The following STX2 variants were observed in gnomAD, a reference collection of about 807,000 sequenced individuals.
The protein encoded by STX2 is syntaxin-2.
A neutral mutation model predicts 40.6 loss-of-function variants in STX2; 27 were observed. The observed-to-expected ratio is 0.66, with a 90% CI of 0.49 to 0.92. The LOEUF (loss-of-function observed/expected upper bound fraction) is 0.92. STX2 is among the 40% of genes least tolerant of loss of function. STX2 has a pLI of 0.00. For missense variants in STX2, 328 were observed against 366.1 expected (o/e 0.90, Z 0.85); for synonymous variants, 123 against 119.1 (o/e 1.03, Z -0.22).
At chr12:130,804,342 C>T (rs1951344681) in intron 6 of STX2, among the ~76,000 whole-genome samples, 2 of 152,180 alleles carry the variant, frequency 1.3e-5, no homozygotes, top group South Asian at 2.1e-4. Flanking sequence ...GCCAGAGTGA[C>T]GCCATCCTGA....
chr12:130,818,395 C>A (rs1951972257), intron 3 of STX2, among the ~76,000 whole-genome samples: 1 of 141,536 alleles, frequency 7.1e-6, no homozygotes, highest in Non-Finnish European at 1.5e-5. Flanking sequence ...GGGGAGAGGG[C>A]GGGGGAGGAA....
chr12:130,809,200 A>G (rs902515040), intron 4 of STX2, among the ~76,000 whole-genome samples: 28 of 152,350 alleles, frequency 1.8e-4, no homozygotes, highest in African/African-American at 6.3e-4. Flanking sequence ...GTAGATACAC[A>G]CAGATATATA....
chr12:130,803,070 TATC>T (rs1221913311), intron 6 of STX2, among the ~76,000 whole-genome samples: 1 of 152,248 alleles, frequency 6.6e-6, no homozygotes, highest in Non-Finnish European at 1.5e-5. Flanking sequence ...ATGCTCCAAA[TATC>T]ATTCACATAT....
chr12:130,797,351 G>T (rs891700986), intron 9 of STX2, among the ~76,000 whole-genome samples: 8 of 152,186 alleles, frequency 5.3e-5, no homozygotes. Context: ...CTTCACCTCA[G>T]TTTACATTAG....
In STX2 at chr12:130,817,869, G is replaced by A. The variant is rs561628894; in HGVS notation, c.205+3820C>T. Reference sequence around the variant, plus strand: ...ACTGAGGATAATTTCAGATAATAGCGAATCTTCACTGAAGGAGGTAAGAAG... The same window carrying A: ...ACTGAGGATAATTTCAGATAATAGCAAATCTTCACTGAAGGAGGTAAGAAG... On this transcript the variant is annotated intron_variant, in intron 3 of 10. Coordinates refer to ENST00000392373, the MANE Select transcript of STX2 (RefSeq NM_194356.4). Among the ~76,000 whole-genome samples the A allele has an allele frequency of 3.6e-5, 5 of 138,066 alleles. No individual in the cohort carries two copies. In the South Asian group the frequency reaches 8.2e-4, roughly 23 times the overall value. The allele number at this position is 138,066 out of a possible 152,430, so 90.6% of individuals were successfully genotyped here. A position where few individuals can be genotyped will look rare whatever the true frequency, so the allele number is the denominator to read the frequency against.
At chr12:130,824,910 C>T (rs536040893) in intron 2 of STX2, among the ~76,000 whole-genome samples, 1 of 152,176 alleles carries the variant, frequency 6.6e-6, no homozygotes, top group Non-Finnish European at 1.5e-5. Context: ...CCGGGCAAGC[C>T]TTCCTAAAGT....
intron 4 of STX2, chr12:130,811,010 C>T (rs1329288714): frequency 6.6e-6 from 1 of 152,156 alleles, no homozygotes; most frequent in Non-Finnish European, 1.5e-5. Context: ...TCCAAACTAC[C>T]CAATTCAAGA....
At chr12:130,829,032 C>A (rs1372447216) in intron 1 of STX2, among the ~76,000 whole-genome samples, 1 of 152,004 alleles carries the variant, frequency 6.6e-6, no homozygotes, top group Non-Finnish European at 1.5e-5. Context: ...AGTGTCGGTT[C>A]CCAGGGTCTG....
intron 8 of STX2, among the ~76,000 whole-genome samples, chr12:130,799,813 CA>C (rs57853266): frequency 0.91 from 124,364 of 137,276 alleles, 56,994 homozygotes; most frequent in Non-Finnish European, 0.98. Context: ...GACCCTGTCT[CA>C]AAAAAAAAAA....
chr12:130,804,671 T>C (rs1157514933), intron 6 of STX2, among the ~76,000 whole-genome samples: 1 of 152,120 alleles, frequency 6.6e-6, no homozygotes, highest in African/African-American at 2.4e-5. Flanking sequence ...GCCTCTTTCT[T>C]TGGCGTCTCA....
intron 6 of STX2, among the ~76,000 whole-genome samples, chr12:130,804,321 C>G (rs1388491108): frequency 6.6e-6 from 1 of 152,192 alleles, no homozygotes; most frequent in Non-Finnish European, 1.5e-5. Flanking sequence ...ATGAAGACAG[C>G]CCGCTGTGTG....
At chr12:130,810,600 T>A (rs1234346425) in intron 4 of STX2, 1 of 152,146 alleles carries the variant, frequency 6.6e-6, no homozygotes, top group Non-Finnish European at 1.5e-5. Context: ...TCACAGACAA[T>A]GAGGGGCCTA....
chr12:130,818,636 C>A (rs1021257625), intron 3 of STX2, among the ~76,000 whole-genome samples: 7 of 141,364 alleles, frequency 5.0e-5, no homozygotes, highest in African/African-American at 1.8e-4. Flanking sequence ...ACAGAATGCA[C>A]GGGAGCAGGC....
chr12:130,821,190 A>ATGTGAGG (rs1952099104), intron 3 of STX2, among the ~76,000 whole-genome samples: 1 of 152,198 alleles, frequency 6.6e-6, no homozygotes, highest in Non-Finnish European at 1.5e-5. Flanking sequence ...ATTTGGATAA[A>ATGTGAGG]CAGGTAAAGA....
intron 4 of STX2, chr12:130,810,517 G>A (rs1481700486): frequency 1.3e-5 from 2 of 152,190 alleles, no homozygotes; most frequent in Non-Finnish European, 2.9e-5. Context: ...GGAAATGGCT[G>A]ATGCCAGGCC....
In STX2 at chr12:130,818,170, CAAA is replaced by C. The variant is rs756794046; in HGVS notation, c.205+3516_205+3518del. On this transcript the variant is annotated intron_variant, in intron 3 of 10. Transcript: ENST00000392373. ...AACACAGTGAGAAACGCTGTTTCTA[CAAA>C]AAAAAAAAAAAAATATATATATATA... Among the ~76,000 whole-genome samples the C allele has an allele frequency of 3.3e-3, 164 of 49,840 alleles. 5 individuals are homozygous for C. The highest frequency in any genetic ancestry group is 0.022 in the African/African-American group (140 of 6,388). 32.7% of individuals were successfully genotyped at this position (49,840 alleles called of 152,430 possible).
At chr12:130,799,813 C>CAAA (rs57853266) in intron 8 of STX2, among the ~76,000 whole-genome samples, 1 of 137,140 alleles carries the variant, frequency 7.3e-6, no homozygotes. Flanking sequence ...GACCCTGTCT[C>CAAA]AAAAAAAAAA....
At chr12:130,836,124 G>A (rs1190775500) in intron 1 of STX2, among the ~76,000 whole-genome samples, 1 of 151,822 alleles carries the variant, frequency 6.6e-6, no homozygotes, top group Non-Finnish European at 1.5e-5. Flanking sequence ...AAGAACTACT[G>A]GGAAAGGACA....
chr12:130,812,958 C>T lies in STX2; in HGVS notation c.279G>A (p.Lys93=). 1.3e-6 allele frequency: 2 copies of T among 1,552,132 alleles called. No homozygotes were observed. Among genetic ancestry groups the T allele is most frequent in the Non-Finnish European group, 1.7e-6 (2 of 1,153,280 alleles). ...KTANKIRAKL[K]AIEQSFDQDE... ...TTAAACATAAAACTTCAAACTTACC[C>T]TTTAACTTGGCTCGAATTTTATTCG... is the stretch of plus-strand genomic sequence containing the variant. Residue 93 remains lysine (K), a splice_region_variant and synonymous_variant, in exon 4 of 11, where the codon AAG becomes AAA. Coordinates refer to ENST00000392373, the MANE Select transcript of STX2 (RefSeq NM_194356.4).
Sources: allele counts gnomAD v4.1 joint callset (sites outside exome capture counted in the v4.1 genomes callset), GRCh38; gene constraint gnomAD v4.1.1; transcripts MANE v1.5; gene names NCBI Gene and HGNC (gene_info 2026-07-23, HGNC 2026-07-21).